UST: variants seen among roughly 807,000 people sequenced by gnomAD.
UST encodes the protein chondroitin sulfate 2-O-sulfotransferase.
A neutral mutation model predicts 45.6 loss-of-function variants in UST; 21 were observed. That is an observed-to-expected ratio of 0.46 (90% CI 0.33 to 0.66). The LOEUF is 0.66. Ranked by LOEUF, UST falls within the 30% of genes least tolerant of loss-of-function variation. The pLI, the probability that UST is intolerant of heterozygous loss-of-function variation, is 0.02. For missense variants in UST, 463 were observed against 512.4 expected, an observed-to-expected ratio of 0.90 and a Z score of 0.93; for synonymous variants, 215 against 200.6, an observed-to-expected ratio of 1.07 and a Z score of -0.61.
chr6:148,790,084 A>G lies in UST; in HGVS notation c.247+42407A>G, dbSNP rs1319179600. The stretch of plus-strand genomic sequence containing the variant: ...TCTTTTCTTTCTCTGGGAATAATGC[A>G]TTCGCATTGCTATCGTAGTTATCCT... On this transcript the variant is annotated intron_variant, in intron 1 of 7. Transcript: ENST00000367463. This position sits in a 1 kb window ranked among gnomAD's most constrained non-coding sequence, Gnocchi z 4.2. Among the ~76,000 whole-genome samples the G allele has an allele frequency of 1.3e-5, 2 of 148,328 alleles. No individual in the cohort carries two copies. The highest frequency in any genetic ancestry group is 3.9e-4 in the East Asian group (2 of 5,070).
intron 1 of UST, among the ~76,000 whole-genome samples, chr6:148,879,424 G>T (rs1469696158): frequency 1.3e-5 from 2 of 152,236 alleles, no homozygotes; most frequent in Non-Finnish European, 2.9e-5. Context: ...TGAAGTACAT[G>T]AATTTGTGTT....
chr6:148,843,712 C>T (rs1050871138), intron 1 of UST, among the ~76,000 whole-genome samples: 2 of 152,224 alleles, frequency 1.3e-5, no homozygotes, highest in African/African-American at 4.8e-5. Flanking sequence ...AAACACCTCA[C>T]TAGCCATGCT....
At chr6:149,042,657 T>A (rs1776331495) in intron 7 of UST, among the ~76,000 whole-genome samples, 1 of 152,210 alleles carries the variant, frequency 6.6e-6, no homozygotes, top group African/African-American at 2.4e-5. Context: ...AAGAGCAGAT[T>A]TTCAGTAGTA....
At chr6:148,957,697 G>C (rs1363673961) in intron 4 of UST, among the ~76,000 whole-genome samples, 1 of 152,218 alleles carries the variant, frequency 6.6e-6, no homozygotes, top group Non-Finnish European at 1.5e-5. Flanking sequence ...AGCCTCCCAA[G>C]TGCTGGGATT....
At chr6:148,898,433 C>G (rs1779177959) in intron 2 of UST, among the ~76,000 whole-genome samples, 1 of 151,978 alleles carries the variant, frequency 6.6e-6, no homozygotes, top group South Asian at 2.1e-4. Flanking sequence ...TTTTTTTAAT[C>G]CCGAAGTCGC....
At chr6:148,926,948 T>C (rs1562302465) in intron 2 of UST, among the ~76,000 whole-genome samples, 1 of 136,054 alleles carries the variant, frequency 7.4e-6, no homozygotes, top group East Asian at 2.0e-4. Flanking sequence ...TTTGAAAAAA[T>C]GTTTTTTTTT....
Position 148,747,511 on chromosome 6 carries a change from C to G in UST, c.81C>G (p.Gly27=), listed in dbSNP as rs1175484248. 3 of 1,537,880 alleles carry G rather than the reference C, an allele frequency of 2.0e-6. No individual in the cohort carries two copies. Among genetic ancestry groups the G allele is most frequent in the Non-Finnish European group, 2.6e-6 (3 of 1,142,782 alleles). The change falls in exon 1 of 8, where the codon GGC becomes GGG. Residue 27 remains glycine, a synonymous_variant. Transcript: ENST00000367463. ...CCCCTATGGGGGGCGCCCCTCCGGG[C>G]CTGGGCAGCTGGAAGCGTCGGGTGC... ...HGAPMGGAPP[G]LGSWKRRVPL... is the part of the protein sequence containing the mutation.
At chr6:148,960,727 A>G (rs2114952766) in intron 4 of UST, among the ~76,000 whole-genome samples, 1 of 152,354 alleles carries the variant, frequency 6.6e-6, no homozygotes, top group East Asian at 1.9e-4. Flanking sequence ...TTTTACTAGA[A>G]TTTCTTAGAA....
chr6:148,917,309 C>G (rs577100664), intron 2 of UST, among the ~76,000 whole-genome samples: 26 of 152,336 alleles, frequency 1.7e-4, no homozygotes, highest in South Asian at 6.2e-4. Flanking sequence ...TAGCCCATTA[C>G]CTAGTACACA....
intron 3 of UST, among the ~76,000 whole-genome samples, chr6:148,949,466 A>C (rs1400391957): frequency 6.6e-6 from 1 of 151,312 alleles, no homozygotes; most frequent in Non-Finnish European, 1.5e-5. Flanking sequence ...TGTGAGGATT[A>C]AATGACACCA....
intron 1 of UST, among the ~76,000 whole-genome samples, chr6:148,858,832 CT>C (rs1203781818): frequency 8.5e-5 from 13 of 152,220 alleles, no homozygotes; most frequent in South Asian, 2.1e-4. Flanking sequence ...TGAACTCATC[CT>C]TTTTTTATGG....
chr6:148,747,624 A>G lies in UST; in HGVS notation c.194A>G (p.Tyr65Cys), dbSNP rs768310578. The change falls in exon 1 of 8, where the codon TAT becomes TGT. Residue 65 changes from tyrosine to cysteine, a missense_variant. Coordinates refer to ENST00000367463, the MANE Select transcript of UST (RefSeq NM_005715.3). ...GTCTTCTGCCTGGGCTCCCTCCTCT[A>G]TCAGCTCAGCGGGGGACCCCCTCGC... ...LLVFCLGSLLYQLSGGPPRFL... is the reference protein window; with the variant it reads ...LLVFCLGSLLCQLSGGPPRFL... The G allele has an allele frequency of 6.2e-6, 10 of 1,602,860 alleles. No individual in the cohort carries two copies. The highest frequency in any genetic ancestry group is 3.4e-4 in the Middle Eastern group (2 of 5,938).
intron 1 of UST, among the ~76,000 whole-genome samples, chr6:148,802,999 G>A (rs896564302): frequency 6.6e-5 from 10 of 152,116 alleles, no homozygotes; most frequent in African/African-American, 2.4e-4. Context: ...ATTGATGATG[G>A]TGATGGTATG....
At chr6:148,908,670 C>CT (rs1279964210) in intron 2 of UST, among the ~76,000 whole-genome samples, 1 of 152,076 alleles carries the variant, frequency 6.6e-6, no homozygotes, top group Admixed American at 6.6e-5. Context: ...CTTTTTAACT[C>CT]TGTGAACATG....
chr6:148,898,313 A>G (rs1018719132), intron 2 of UST, among the ~76,000 whole-genome samples: 2 of 152,246 alleles, frequency 1.3e-5, no homozygotes, highest in African/African-American at 2.4e-5. Flanking sequence ...ACTGTATGCT[A>G]TAAAGAACTT....
chr6:149,042,025 G>A (rs985475294), intron 7 of UST, among the ~76,000 whole-genome samples: 3 of 152,228 alleles, frequency 2.0e-5, no homozygotes, highest in African/African-American at 7.2e-5. Context: ...CACGTAGTGG[G>A]TGTACAGTAA....
intron 5 of UST, 120 bp downstream of exon 5, chr6:148,964,683 G>T (rs910952315): frequency 3.0e-6 from 4 of 1,323,666 alleles, no homozygotes; most frequent in Non-Finnish European, 4.1e-6. Flanking sequence ...GGAGCGTGGC[G>T]CAGAGAGGGT....
chr6:148,884,881 A>C (rs915686327), intron 1 of UST, among the ~76,000 whole-genome samples: 1 of 152,200 alleles, frequency 6.6e-6, no homozygotes, highest in Non-Finnish European at 1.5e-5. Flanking sequence ...CATAGGGGAA[A>C]AACATGGATC....
intron 1 of UST, among the ~76,000 whole-genome samples, chr6:148,846,077 C>T (rs1777982132): frequency 6.7e-6 from 1 of 149,868 alleles, no homozygotes; most frequent in African/African-American, 2.4e-5. Flanking sequence ...TACCATTTGA[C>T]CCAGCCATCC....
Sources: allele counts gnomAD v4.1 joint callset (sites outside exome capture counted in the v4.1 genomes callset), GRCh38; gene constraint gnomAD v4.1.1; non-coding constraint Gnocchi (gnomAD v3.1); transcripts MANE v1.5; gene names NCBI Gene and HGNC (gene_info 2026-07-23, HGNC 2026-07-21).